THSD7B: variants seen among roughly 807,000 people sequenced by gnomAD.
THSD7B encodes thrombospondin type 1 domain containing 7B, also known as thrombospondin type-1 domain-containing protein 7B.
Under a neutral mutation model 213.6 loss-of-function variants are expected in THSD7B, and 138 were observed. That is an observed-to-expected ratio of 0.65 (90% CI 0.56 to 0.74). The LOEUF (loss-of-function observed/expected upper bound fraction) is 0.74. THSD7B is among the 30% of genes least tolerant of loss of function. The probability of loss-of-function intolerance (pLI) is 0.00; values close to 1 mark genes in which losing one functional copy is unlikely to be tolerated. For synonymous variants in THSD7B, 742 were observed against 687.0 expected (o/e 1.08, Z -1.25); for missense variants, 1,931 against 1,991.5 (o/e 0.97, Z 0.58).
chr2:136,982,706 T>TG lies in THSD7B; in HGVS notation c.140-73713dup, dbSNP rs2104808905. Among the ~76,000 whole-genome samples the TG allele has an allele frequency of 2.0e-5, 3 of 152,254 alleles. No homozygotes were observed. In the East Asian group the frequency reaches 5.8e-4, roughly 29 times the overall value. On this transcript the variant is annotated intron_variant, in intron 2 of 27. Coordinates refer to ENST00000409968, the MANE Select transcript of THSD7B (RefSeq NM_001316349.2). ...GTGGGATCTGTTGTTTCCCCTAAGT[T>TG]GAAAAACAACTCTAAGATACTTTTA...
At chr2:137,631,722 G>A (rs367720427) in intron 20 of THSD7B, among the ~76,000 whole-genome samples, 10 of 152,178 alleles carry the variant, frequency 6.6e-5, no homozygotes, top group East Asian at 5.8e-4. Context: ...CAAGTAATTC[G>A]TTCTTATGGC....
chr2:137,517,646 G>A (rs1680095597), intron 15 of THSD7B, among the ~76,000 whole-genome samples: 1 of 152,222 alleles, frequency 6.6e-6, no homozygotes, highest in Non-Finnish European at 1.5e-5. Context: ...GGATCTAGAA[G>A]AGAAGAAGGC....
At chr2:137,345,838 A>G (rs934701001) in intron 12 of THSD7B, among the ~76,000 whole-genome samples, 2 of 151,536 alleles carry the variant, frequency 1.3e-5, no homozygotes, top group African/African-American at 4.8e-5. Context: ...AGAAAGGATA[A>G]GAGACATTTT....
intron 2 of THSD7B, among the ~76,000 whole-genome samples, chr2:136,989,662 C>T (rs530692845): frequency 5.3e-5 from 8 of 152,250 alleles, no homozygotes; most frequent in African/African-American, 1.7e-4. Flanking sequence ...GACTAAAGCA[C>T]TGTTGGTGGG....
intron 12 of THSD7B, among the ~76,000 whole-genome samples, chr2:137,398,908 G>T (rs1461314801): frequency 6.6e-6 from 1 of 152,168 alleles, no homozygotes; most frequent in Non-Finnish European, 1.5e-5. Context: ...CAATATTCGG[G>T]TGGGAGTGAC....
intron 17 of THSD7B, among the ~76,000 whole-genome samples, chr2:137,581,017 C>G (rs1296619990): frequency 6.6e-6 from 1 of 152,144 alleles, no homozygotes; most frequent in African/African-American, 2.4e-5. Flanking sequence ...AATATCCAAA[C>G]TCTATCAACT....
intron 15 of THSD7B, among the ~76,000 whole-genome samples, chr2:137,533,208 T>A (rs1680432664): frequency 6.6e-6 from 1 of 151,828 alleles, no homozygotes; most frequent in Non-Finnish European, 1.5e-5. Flanking sequence ...TTTTTCAGAT[T>A]AAATCATTTC....
At chr2:136,897,884 C>A (rs1171762439) in intron 2 of THSD7B, among the ~76,000 whole-genome samples, 1 of 150,724 alleles carries the variant, frequency 6.6e-6, no homozygotes, top group East Asian at 2.0e-4. Context: ...GTTTACAAAC[C>A]TTTAGCTAGA....
At chr2:137,498,760 A>G (rs1310037972) in intron 15 of THSD7B, among the ~76,000 whole-genome samples, 1 of 152,036 alleles carries the variant, frequency 6.6e-6, no homozygotes, top group African/African-American at 2.4e-5. Flanking sequence ...GAGGGGAGAG[A>G]GGTGTTATAT....
At position 136,810,850 on chromosome 2, in the gene THSD7B, T is replaced by G. The variant is rs62171207; in HGVS notation, c.-36+45163T>G. On this transcript the variant is annotated intron_variant, in intron 1 of 27. Coordinates refer to ENST00000409968, the MANE Select transcript of THSD7B (RefSeq NM_001316349.2). ...AAATGTGATGACATTGTTGTAACCC[T>G]TGGGCCAGTGGTGCTCCTGGCATGG... Among the ~76,000 whole-genome samples the G allele has an allele frequency of 9.1e-3, 1,380 of 152,320 alleles. 15 individuals carry two copies. The highest frequency in any genetic ancestry group is 0.02 in the South Asian group (96 of 4,822).
At chr2:137,236,760 TA>T (rs541982586) in intron 9 of THSD7B, among the ~76,000 whole-genome samples, 65 of 152,204 alleles carry the variant, frequency 4.3e-4, no homozygotes, top group African/African-American at 1.5e-3. Context: ...GAGGTGTAGC[TA>T]AAAAATGGCA....
chr2:137,067,240 C>T (rs1284182773), intron 3 of THSD7B, among the ~76,000 whole-genome samples: 1 of 151,986 alleles, frequency 6.6e-6, no homozygotes, highest in African/African-American at 2.4e-5. Flanking sequence ...TTTTAGTGTG[C>T]TGTGTAATGT....
intron 23 of THSD7B, 22 bp downstream of exon 23, chr2:137,656,991 T>C: frequency 6.2e-7 from 1 of 1,613,498 alleles, no homozygotes; most frequent in African/African-American, 1.3e-5. Flanking sequence ...ACTTTTCAGT[T>C]CTTTAGCCTT....
chr2:137,223,777 G>A (rs974533897), intron 7 of THSD7B, among the ~76,000 whole-genome samples: 2 of 152,122 alleles, frequency 1.3e-5, no homozygotes, highest in African/African-American at 2.4e-5. Flanking sequence ...TTGTAATCTC[G>A]AATATTGGGA....
At chr2:136,775,069 C>A (rs1315712572) in intron 1 of THSD7B, among the ~76,000 whole-genome samples, 1 of 152,088 alleles carries the variant, frequency 6.6e-6, no homozygotes, top group Non-Finnish European at 1.5e-5. Context: ...ATATGACATG[C>A]ACATTCTCTG....
intron 2 of THSD7B, among the ~76,000 whole-genome samples, chr2:137,042,111 G>A (rs1182517938): frequency 2.6e-5 from 4 of 152,102 alleles, no homozygotes; most frequent in African/African-American, 4.8e-5. Flanking sequence ...TCTGCCCTGC[G>A]TTCTACCTTC....
chr2:137,116,502 T>A (rs1367117127), intron 5 of THSD7B, among the ~76,000 whole-genome samples: 1 of 152,226 alleles, frequency 6.6e-6, no homozygotes, highest in Non-Finnish European at 1.5e-5. Context: ...CTTTGACTAC[T>A]GTCTACTGTT....
chr2:137,529,285 G>T (rs1680336867), intron 15 of THSD7B, among the ~76,000 whole-genome samples: 2 of 152,044 alleles, frequency 1.3e-5, no homozygotes, highest in Non-Finnish European at 2.9e-5. Flanking sequence ...ATGAATGAAA[G>T]AATGAATGAT....
At chr2:137,336,518 A>G (rs1684642490) in intron 12 of THSD7B, among the ~76,000 whole-genome samples, 2 of 152,254 alleles carry the variant, frequency 1.3e-5, no homozygotes, top group South Asian at 4.1e-4. Context: ...CTTCTATTCC[A>G]TCCTCCACCT....
Sources: gnomAD v4.1 joint callset for allele counts (sites outside exome capture counted in the v4.1 genomes callset) on GRCh38, gnomAD v4.1.1 for gene constraint, MANE v1.5 for transcripts, NCBI Gene and HGNC (gene_info 2026-07-23, HGNC 2026-07-21) for gene names.